The following PGBD2 variants were observed in gnomAD, a reference collection of about 807,000 sequenced individuals.
PGBD2 encodes piggyBac transposable element-derived protein 2.
Under a neutral mutation model 8.1 loss-of-function variants are expected in PGBD2, and 6 were observed. The observed-to-expected ratio is 0.74, with a 90% CI of 0.40 to 1.46. The LOEUF (loss-of-function observed/expected upper bound fraction) is 1.46, where lower values mean the gene tolerates loss of function less well. Among genes scored for constraint, PGBD2 ranks in the 40% most tolerant of loss-of-function variants. The probability of loss-of-function intolerance (pLI) is 0.02; values close to 1 mark genes in which losing one functional copy is unlikely to be tolerated. For synonymous variants in PGBD2, 318 were observed against 272.2 expected, an observed-to-expected ratio of 1.17 and a Z score of -1.66; for missense variants, 802 against 739.0, an observed-to-expected ratio of 1.09 and a Z score of -0.99.
At chr1:248,875,577 TA>T in the PGBD2 span, among the ~76,000 whole-genome samples, 1 of 152,190 alleles carries the variant, frequency 6.6e-6, no homozygotes, top group African/African-American at 2.4e-5. Context: ...TTTTAATAAT[TA>T]AAAACTCCTA....
At chr1:248,890,767 C>G in the PGBD2 span, among the ~76,000 whole-genome samples, 1 of 151,662 alleles carries the variant, frequency 6.6e-6, no homozygotes, top group Middle Eastern at 3.4e-3. Flanking sequence ...TTACACACCC[C>G]GCACACCACA....
intron 1 of PGBD2, among the ~76,000 whole-genome samples, chr1:248,909,035 C>T (rs56013632): frequency 0.015 from 2,360 of 152,284 alleles, 67 homozygotes; most frequent in African/African-American, 0.054. Context: ...ATACCTGGCA[C>T]CCAGTAGATA....
the PGBD2 span, among the ~76,000 whole-genome samples, chr1:248,892,262 C>CCTCT: frequency 1.6e-5 from 2 of 121,756 alleles, no homozygotes; most frequent in Admixed American, 1.5e-4. Context: ...TCCCTCCCTC[C>CCTCT]CTCCCTCCCT....
At chr1:248,906,109 G>C (rs913040408), upstream of PGBD2, 4 of 152,104 alleles carry the variant, frequency 2.6e-5, no homozygotes, top group African/African-American at 9.6e-5. Flanking sequence ...CCTCGCAGGC[G>C]TTTTCGGGAT....
At chr1:248,909,922 T>C (rs1371366805) in intron 1 of PGBD2, among the ~76,000 whole-genome samples, 1 of 152,200 alleles carries the variant, frequency 6.6e-6, no homozygotes, top group Non-Finnish European at 1.5e-5. Flanking sequence ...GCTTTGATTT[T>C]ATTTCAGAGC....
At chr1:248,879,514 C>T in the PGBD2 span, among the ~76,000 whole-genome samples, 1 of 152,200 alleles carries the variant, frequency 6.6e-6, no homozygotes, top group South Asian at 2.1e-4. Context: ...CCTGCCTCAG[C>T]CTTCCAAGTA....
downstream of PGBD2, among the ~76,000 whole-genome samples, chr1:248,920,216 G>C (rs537269025): frequency 6.6e-6 from 1 of 151,856 alleles, no homozygotes; most frequent in African/African-American, 2.4e-5. Flanking sequence ...TGTTACATAG[G>C]TATACACGTG....
the PGBD2 span, among the ~76,000 whole-genome samples, chr1:248,890,912 T>C: frequency 6.8e-6 from 1 of 145,986 alleles, no homozygotes; most frequent in African/African-American, 2.6e-5. Flanking sequence ...GATACACACA[T>C]GCACCACACA....
downstream of PGBD2, among the ~76,000 whole-genome samples, chr1:248,920,966 T>C (rs1225881908): frequency 2.3e-4 from 35 of 151,970 alleles, no homozygotes; most frequent in African/African-American, 7.8e-4. Flanking sequence ...CTGTTCATAT[T>C]CTTTGCCTAC....
chr1:248,897,324 C>T, the PGBD2 span, among the ~76,000 whole-genome samples: 5 of 145,652 alleles, frequency 3.4e-5, 1 homozygote, highest in African/African-American at 1.4e-4. Context: ...CCGTGCCAGC[C>T]GATGGAAACC....
Position 248,917,150 on chromosome 1 carries a change from G to A in PGBD2, c.566G>A (p.Ser189Asn), listed in dbSNP as rs1482389602. 1.2e-6 allele frequency: 2 copies of A among 1,614,020 alleles called. No individual in the cohort carries two copies. The highest frequency in any genetic ancestry group is 1.3e-5 in the African/African-American group (1 of 74,890). Reference protein sequence around the residue: ...LKCVLGILILSGYISYPRRRM... With the variant: ...LKCVLGILILNGYISYPRRRM... ...TGTGTTTTGGGCATTTTGATTTTAA[G>A]TGGGTACATCTCTTATCCAAGGAGA... The change falls in exon 3 of 3, where the codon AGT becomes AAT. Residue 189 changes from serine to asparagine, a missense_variant. By Grantham distance (46) the Ser-to-Asn change is conservative (BLOSUM62 1). Coordinates refer to ENST00000329291, the MANE Select transcript of PGBD2 (RefSeq NM_170725.3).
chr1:248,882,011 T>C, the PGBD2 span, among the ~76,000 whole-genome samples: 7 of 152,206 alleles, frequency 4.6e-5, no homozygotes, highest in Non-Finnish European at 7.3e-5. Flanking sequence ...GCAAGAAAGC[T>C]TCAAGTTTAT....
At chr1:248,921,030 C>G (rs907204986), downstream of PGBD2, among the ~76,000 whole-genome samples, 9 of 148,818 alleles carry the variant, frequency 6.0e-5, no homozygotes, top group Non-Finnish European at 1.0e-4. Context: ...TTTGTAGATT[C>G]TGGATATTAG....
At chr1:248,875,026 G>A in the PGBD2 span, among the ~76,000 whole-genome samples, 1 of 152,092 alleles carries the variant, frequency 6.6e-6, no homozygotes, top group African/African-American at 2.4e-5. Context: ...GGCCTGGCGC[G>A]GTGGCTGACG....
At chr1:248,881,415 G>A in the PGBD2 span, among the ~76,000 whole-genome samples, 4 of 152,298 alleles carry the variant, frequency 2.6e-5, no homozygotes, top group African/African-American at 7.2e-5. Flanking sequence ...AAAATGGAAT[G>A]AACTATTACT....
At chr1:248,922,852 G>T (rs1457680126), downstream of PGBD2, among the ~76,000 whole-genome samples, 2 of 152,114 alleles carry the variant, frequency 1.3e-5, no homozygotes, top group Non-Finnish European at 2.9e-5. Flanking sequence ...TGCTGGACTC[G>T]GTTTGCCAGT....
At chr1:248,930,119 T>G in the PGBD2 span, among the ~76,000 whole-genome samples, 1 of 152,210 alleles carries the variant, frequency 6.6e-6, no homozygotes, top group Non-Finnish European at 1.5e-5. Context: ...ACAGGTCTTG[T>G]TTTATAAAAG....
upstream of PGBD2, among the ~76,000 whole-genome samples, chr1:248,905,112 T>C (rs1661596767): frequency 6.6e-6 from 1 of 152,238 alleles, no homozygotes; most frequent in Non-Finnish European, 1.5e-5. Context: ...GCCTGTTTTC[T>C]CAATTTGCTC....
intron 2 of PGBD2, among the ~76,000 whole-genome samples, chr1:248,916,309 G>A (rs1190214209): frequency 6.6e-6 from 1 of 152,150 alleles, no homozygotes; most frequent in Non-Finnish European, 1.5e-5. Flanking sequence ...AGGTACTCGG[G>A]AGGCTGAGGC....
Sources: allele counts gnomAD v4.1 joint callset (sites outside exome capture counted in the v4.1 genomes callset), GRCh38; gene constraint gnomAD v4.1.1; transcripts MANE v1.5; gene names NCBI Gene and HGNC (gene_info 2026-07-23, HGNC 2026-07-21).